The following UGGT2 variants were observed in gnomAD, a reference collection of about 807,000 sequenced individuals.
UGGT2 encodes the protein UDP-glucose glycoprotein glucosyltransferase 2.
Under a neutral mutation model 192.1 loss-of-function variants are expected in UGGT2, and 180 were observed. The ratio of observed to expected loss-of-function variants is 0.94; its 90% CI spans 0.83 to 1.06. The LOEUF (loss-of-function observed/expected upper bound fraction) is 1.06. UGGT2 is among the 50% of genes least tolerant of loss of function. The pLI, the probability that UGGT2 is intolerant of heterozygous loss-of-function variation, is 0.00. For synonymous variants in UGGT2, 580 were observed against 591.0 expected, an observed-to-expected ratio of 0.98 and a Z score of 0.27; for missense variants, 1,849 against 1,795.7, an observed-to-expected ratio of 1.03 and a Z score of -0.54.
chr13:95,958,296 C>T (rs1259271325), intron 12 of UGGT2, among the ~76,000 whole-genome samples: 4 of 152,030 alleles, frequency 2.6e-5, no homozygotes, highest in East Asian at 3.9e-4. Flanking sequence ...GGACTACAGA[C>T]GCCCGCCACC....
intron 16 of UGGT2, among the ~76,000 whole-genome samples, chr13:95,938,713 C>T (rs2049552893): frequency 6.6e-6 from 1 of 152,150 alleles, no homozygotes; most frequent in Admixed American, 6.5e-5. Context: ...GCAATGGCAT[C>T]AACACTACCA....
intron 31 of UGGT2, among the ~76,000 whole-genome samples, chr13:95,862,518 T>C (rs905542779): frequency 6.6e-6 from 1 of 152,080 alleles, no homozygotes; most frequent in Admixed American, 6.6e-5. Context: ...CCCATCTCAT[T>C]CTATGAGGTT....
At chr13:96,019,070 TGCCTG>T (rs2052430479) in intron 4 of UGGT2, among the ~76,000 whole-genome samples, 1 of 122,144 alleles carries the variant, frequency 8.2e-6, no homozygotes, top group Admixed American at 1.1e-4. Context: ...CAAGAGTATA[TGCCTG>T]AAGTTCACAA....
intron 29 of UGGT2, among the ~76,000 whole-genome samples, chr13:95,867,661 C>T (rs1209161965): frequency 6.6e-6 from 1 of 152,064 alleles, no homozygotes; most frequent in Non-Finnish European, 1.5e-5. Flanking sequence ...TCATTAAATT[C>T]AATACTACCC....
intron 32 of UGGT2, among the ~76,000 whole-genome samples, chr13:95,860,293 T>C (rs1890035145): frequency 6.7e-6 from 1 of 149,590 alleles, no homozygotes. Context: ...AAGGATAATT[T>C]ACTATAGTAA....
intron 36 of UGGT2, among the ~76,000 whole-genome samples, chr13:95,845,492 G>T (rs1200137046): frequency 6.6e-6 from 1 of 151,022 alleles, no homozygotes; most frequent in African/African-American, 2.4e-5. Flanking sequence ...TGGGGGTAAG[G>T]TTATAGATTA....
chr13:95,860,477 C>A (rs1360702200), intron 32 of UGGT2, among the ~76,000 whole-genome samples: 1 of 149,112 alleles, frequency 6.7e-6, no homozygotes, highest in Non-Finnish European at 1.5e-5. Flanking sequence ...ATACTTACCT[C>A]ATAATTTTAA....
chr13:96,043,239 A>G (rs2053215582), intron 1 of UGGT2, among the ~76,000 whole-genome samples: 1 of 152,234 alleles, frequency 6.6e-6, no homozygotes, highest in Non-Finnish European at 1.5e-5. Context: ...AACAATTATC[A>G]GTCAAGAATT....
intron 11 of UGGT2, among the ~76,000 whole-genome samples, chr13:95,972,358 G>A (rs1280224673): frequency 2.0e-5 from 3 of 152,220 alleles, no homozygotes; most frequent in Admixed American, 6.5e-5. Context: ...GTAATTATAG[G>A]TCTAACCCTC....
intron 1 of UGGT2, among the ~76,000 whole-genome samples, chr13:96,051,733 A>C (rs1162326067): frequency 1.3e-5 from 2 of 152,178 alleles, no homozygotes; most frequent in East Asian, 3.8e-4. Flanking sequence ...AAAATGCTCA[A>C]CATACTAATG....
At chr13:95,909,743 G>A (rs1306271526) in intron 20 of UGGT2, among the ~76,000 whole-genome samples, 2 of 55,886 alleles carry the variant, frequency 3.6e-5, no homozygotes, top group Non-Finnish European at 7.2e-5. Context: ...CCTAAAACTT[G>A]AAGTATAATA....
chr13:95,811,720 A>G (rs1374234468), intron 38 of UGGT2, among the ~76,000 whole-genome samples: 2 of 151,850 alleles, frequency 1.3e-5, no homozygotes, highest in Non-Finnish European at 2.9e-5. Context: ...TAACAATAGC[A>G]TAAGAGAAAA....
chr13:96,015,982 C>T (rs1478033996), intron 4 of UGGT2, among the ~76,000 whole-genome samples: 1 of 152,242 alleles, frequency 6.6e-6, no homozygotes, highest in Non-Finnish European at 1.5e-5. Flanking sequence ...CCTTGTTATG[C>T]CTTAGCAAAT....
intron 38 of UGGT2, among the ~76,000 whole-genome samples, chr13:95,815,796 T>C (rs1181837294): frequency 6.6e-6 from 1 of 152,180 alleles, no homozygotes; most frequent in African/African-American, 2.4e-5. Context: ...ATGGTTTGGA[T>C]CTGTGTCCTC....
chr13:96,023,644 A>T lies in UGGT2; in HGVS notation c.357T>A (p.Ile119=). Reference sequence around the variant, plus strand: ...TTTTACGCACCTGCTGAAACATCTGAATAGCTGGGGAGTATGCCCTTATAG... The same window carrying T: ...TTTTACGCACCTGCTGAAACATCTGTATAGCTGGGGAGTATGCCCTTATAG... ...AFSIRAYSPA[I]QMFQQIAADE... is the part of the protein sequence containing the mutation. The change falls in exon 3 of 39, where the codon ATT becomes ATA. Residue 119 remains isoleucine (I), a synonymous_variant. Transcript: ENST00000376747. 6.2e-7 allele frequency: 1 copy of T among 1,608,358 alleles called. No individual in the cohort carries two copies.
chr13:96,026,024 A>G (rs1594598787), intron 2 of UGGT2, among the ~76,000 whole-genome samples: 1 of 152,124 alleles, frequency 6.6e-6, no homozygotes, highest in Non-Finnish European at 1.5e-5. Context: ...TGTAGACCCT[A>G]AGGCAGAAAA....
chr13:95,859,763 T>G, intron 32 of UGGT2, 88 bp from the exon 33 acceptor site: 1 of 963,592 alleles, frequency 1.0e-6, no homozygotes, highest in South Asian at 2.3e-5. Flanking sequence ...TTTTAAAATT[T>G]AATTTTAATT....
rs571676905 is a variant in UGGT2 at position 95,887,215 on chromosome 13, T to C, written c.3038+677A>G. 198 of 474,734 alleles carry C rather than the reference T, an allele frequency of 4.2e-4. 2 individuals are homozygous for C. Among genetic ancestry groups the C allele is most frequent in the South Asian group, 3.0e-3 (195 of 65,142 alleles). 29.4% of individuals were successfully genotyped at this position (474,734 alleles called of 1,614,324 possible). A position where few individuals can be genotyped will look rare whatever the true frequency, so the allele number is the denominator to read the frequency against. On this transcript the variant is annotated intron_variant, in intron 26 of 38. Transcript: ENST00000376747. ...TGTTTAGAATTACATCATTAAATAATACAGAGATGAGCACATTAAAAAGTC... is the reference window on the plus strand; with the variant it reads ...TGTTTAGAATTACATCATTAAATAACACAGAGATGAGCACATTAAAAAGTC...
chr13:95,841,518 G>C (rs550817039), intron 36 of UGGT2, among the ~76,000 whole-genome samples: 1 of 152,222 alleles, frequency 6.6e-6, no homozygotes, highest in East Asian at 1.9e-4. Flanking sequence ...AATCAACCCT[G>C]GTGATCAATG....
Sources: gnomAD v4.1 joint callset for allele counts (sites outside exome capture counted in the v4.1 genomes callset) on GRCh38, gnomAD v4.1.1 for gene constraint, MANE v1.5 for transcripts, NCBI Gene and HGNC (gene_info 2026-07-23, HGNC 2026-07-21) for gene names.